PLOD2: variants seen among roughly 807,000 people sequenced by gnomAD.
PLOD2 encodes the protein procollagen-lysine,2-oxoglutarate 5-dioxygenase 2.
A neutral mutation model predicts 101.0 loss-of-function variants in PLOD2; 65 were observed. The observed-to-expected ratio is 0.64, with a 90% CI of 0.53 to 0.79. PLOD2 has a LOEUF of 0.79. PLOD2 is among the 30% of genes least tolerant of loss of function. PLOD2 has a pLI of 0.00. For synonymous variants in PLOD2, 314 were observed against 302.9 expected, an observed-to-expected ratio of 1.04 and a Z score of -0.38; for missense variants, 909 against 914.6, an observed-to-expected ratio of 0.99 and a Z score of 0.08.
At chr3:146,111,911 G>A (rs1199432278) in intron 3 of PLOD2, among the ~76,000 whole-genome samples, 1 of 151,948 alleles carries the variant, frequency 6.6e-6, no homozygotes, top group Non-Finnish European at 1.5e-5. Context: ...GCCATGAGAA[G>A]TGAGGCAAAT....
At chr3:146,138,736 T>C (rs1485472324) in intron 1 of PLOD2, among the ~76,000 whole-genome samples, 1 of 152,112 alleles carries the variant, frequency 6.6e-6, no homozygotes, top group East Asian at 1.9e-4. Flanking sequence ...TCAAATGTAA[T>C]AGCAAGCTAG....
At chr3:146,098,285 A>G (rs1002195219) in intron 7 of PLOD2, among the ~76,000 whole-genome samples, 1 of 152,198 alleles carries the variant, frequency 6.6e-6, no homozygotes. Flanking sequence ...AAAAGGCTGA[A>G]CATTAAAATA....
chr3:146,115,455 CAT>C (rs1461508247), intron 3 of PLOD2, among the ~76,000 whole-genome samples: 2 of 152,132 alleles, frequency 1.3e-5, no homozygotes, highest in Non-Finnish European at 2.9e-5. Context: ...ACATCAACCA[CAT>C]AGTCACCTAG....
At chr3:146,074,648 T>A (rs35080774) in intron 15 of PLOD2, among the ~76,000 whole-genome samples, 4,158 of 151,486 alleles carry the variant, frequency 0.027, 104 homozygotes, top group South Asian at 0.039. Context: ...CCATAAGATT[T>A]AAGAACTTTT....
At chr3:146,125,675 G>C (rs1278410458) in intron 1 of PLOD2, among the ~76,000 whole-genome samples, 1 of 152,052 alleles carries the variant, frequency 6.6e-6, no homozygotes, top group Non-Finnish European at 1.5e-5. Flanking sequence ...TGAACTCGGG[G>C]GGCGGAGATG....
chr3:146,082,394 T>C (rs1009778201), intron 11 of PLOD2, among the ~76,000 whole-genome samples: 11 of 152,328 alleles, frequency 7.2e-5, no homozygotes, highest in African/African-American at 1.9e-4. Flanking sequence ...ATTACTTAAG[T>C]ATGTTTCCAG....
chr3:146,083,817 G>C (rs967200209), intron 11 of PLOD2, among the ~76,000 whole-genome samples: 2 of 151,704 alleles, frequency 1.3e-5, no homozygotes, highest in African/African-American at 4.8e-5. Flanking sequence ...TCCTGACCTC[G>C]TGATCCACCC....
At chr3:146,155,071 T>C (rs957088618) in intron 1 of PLOD2, among the ~76,000 whole-genome samples, 1 of 152,228 alleles carries the variant, frequency 6.6e-6, no homozygotes, top group Non-Finnish European at 1.5e-5. Context: ...GGTATCTTTG[T>C]GACACAGTCG....
intron 4 of PLOD2, among the ~76,000 whole-genome samples, chr3:146,108,004 T>C (rs1937566694): frequency 6.6e-6 from 1 of 151,940 alleles, no homozygotes; most frequent in Non-Finnish European, 1.5e-5. Flanking sequence ...GCCAATTTTC[T>C]GTGATGAAAA....
intron 1 of PLOD2, among the ~76,000 whole-genome samples, chr3:146,131,018 GCCTT>G (rs1156774214): frequency 1.3e-5 from 2 of 152,148 alleles, no homozygotes; most frequent in Non-Finnish European, 2.9e-5. Context: ...CTGAACACCT[GCCTT>G]CCTTCTGGGT....
intron 1 of PLOD2, among the ~76,000 whole-genome samples, chr3:146,124,445 C>T (rs887158332): frequency 7.2e-5 from 11 of 151,882 alleles, no homozygotes; most frequent in South Asian, 2.1e-4. Flanking sequence ...ATTATTTCAA[C>T]GCAAAAAAGT....
chr3:146,093,636 G>A (rs1004208309), intron 7 of PLOD2, among the ~76,000 whole-genome samples: 2 of 151,976 alleles, frequency 1.3e-5, no homozygotes, highest in African/African-American at 4.8e-5. Context: ...AATATCCTGA[G>A]AAAAAGTTTT....
intron 4 of PLOD2, among the ~76,000 whole-genome samples, chr3:146,108,511 T>A (rs370893889): frequency 6.6e-6 from 1 of 152,218 alleles, no homozygotes; most frequent in East Asian, 1.9e-4. Flanking sequence ...CTAAATAGTA[T>A]GCCCACAAAC....
At chr3:146,107,067 T>C (rs763129793) in intron 4 of PLOD2, among the ~76,000 whole-genome samples, 4 of 152,226 alleles carry the variant, frequency 2.6e-5, no homozygotes, top group African/African-American at 4.8e-5. Context: ...ATAAAATCTC[T>C]ACTACAGTGG....
intron 15 of PLOD2, among the ~76,000 whole-genome samples, chr3:146,075,151 G>GA (rs1204160358): frequency 6.6e-6 from 1 of 151,588 alleles, no homozygotes; most frequent in Non-Finnish European, 1.5e-5. Context: ...TTATTTCTGT[G>GA]AAAGAGGAAG....
intron 15 of PLOD2, 41 bp downstream of exon 15, chr3:146,076,741 C>T (rs1289851018): frequency 4.2e-6 from 4 of 949,924 alleles, no homozygotes; most frequent in Non-Finnish European, 6.8e-6. Context: ...TAACCACTTA[C>T]AGTTATAGAA....
rs1437144541 is a variant in PLOD2, at chr3:146,072,723, AAATAGTTAT to A, written c.1744-67_1744-59del. ...ATAACTTCTGTGTCTTAATAGTCTA[AAATAGTTAT>A]TTTAATATGTGTAAAATAAAAAATC... On this transcript the variant is annotated intron_variant, in intron 16 of 19. Coordinates refer to ENST00000282903, the MANE Select transcript of PLOD2 (RefSeq NM_182943.3). The A allele has an allele frequency of 5.1e-5, 53 of 1,034,424 alleles. 1 individual carries two copies. Among genetic ancestry groups the A allele is most frequent in the Non-Finnish European group, 7.3e-5 (48 of 661,170 alleles). The allele number at this position is 1,034,424 out of a possible 1,614,324, so 64.1% of individuals were successfully genotyped here.
intron 1 of PLOD2, among the ~76,000 whole-genome samples, chr3:146,144,869 T>C (rs2031700848): frequency 6.6e-6 from 1 of 152,118 alleles, no homozygotes; most frequent in Non-Finnish European, 1.5e-5. Context: ...ATGAATACTA[T>C]CACAGTGTTT....
intron 15 of PLOD2, 25 bp from the exon 16 acceptor site, chr3:146,073,377 A>G: frequency 1.2e-6 from 1 of 834,528 alleles, no homozygotes; most frequent in South Asian, 1.6e-5. Context: ...ACATATTAAA[A>G]CAAATATCTT....
Sources: allele counts gnomAD v4.1 joint callset (sites outside exome capture counted in the v4.1 genomes callset), GRCh38; gene constraint gnomAD v4.1.1; transcripts MANE v1.5; gene names NCBI Gene and HGNC (gene_info 2026-07-23, HGNC 2026-07-21).